CTNNA3: variants seen among roughly 807,000 people sequenced by gnomAD.
CTNNA3 encodes the protein catenin alpha 3, also known as catenin alpha-3.
A neutral mutation model predicts 95.7 loss-of-function variants in CTNNA3; 76 were observed. The observed-to-expected ratio is 0.79, with a 90% CI of 0.66 to 0.96. The LOEUF is 0.96. Among genes scored for constraint, CTNNA3 ranks in the 40% least tolerant of loss-of-function variants. The probability of loss-of-function intolerance (pLI) is 0.00; values close to 1 mark genes in which losing one functional copy is unlikely to be tolerated. For synonymous variants in CTNNA3, 431 were observed against 374.4 expected (o/e 1.15, Z -1.74); for missense variants, 1,191 against 1,089.8 (o/e 1.09, Z -1.31).
At chr10:66,132,610 G>A (rs1262863105) in intron 13 of CTNNA3, among the ~76,000 whole-genome samples, 1 of 152,096 alleles carries the variant, frequency 6.6e-6, no homozygotes, top group African/African-American at 2.4e-5. Flanking sequence ...TATGTTTATT[G>A]TAGCAGTATT....
chr10:66,044,529 C>G (rs1471790705), intron 15 of CTNNA3, among the ~76,000 whole-genome samples: 5 of 151,536 alleles, frequency 3.3e-5, no homozygotes, highest in Middle Eastern at 3.4e-3. Context: ...CCTTTTGGCT[C>G]TCTTCTAATA....
chr10:66,845,403 C>A (rs7476697), intron 7 of CTNNA3, among the ~76,000 whole-genome samples: 54,433 of 151,858 alleles, frequency 0.36, 10,733 homozygotes, highest in Non-Finnish European at 0.46. Flanking sequence ...AAAACTGATA[C>A]ATAAAAATGT....
chr10:66,597,508 A>G (rs1205912835), intron 10 of CTNNA3, among the ~76,000 whole-genome samples: 1 of 96,192 alleles, frequency 1.0e-5, no homozygotes, highest in East Asian at 3.6e-4. Context: ...ATTTTATTTC[A>G]TACATATATA....
chr10:65,999,162 C>T (rs2893976), intron 15 of CTNNA3, among the ~76,000 whole-genome samples: 36,771 of 151,956 alleles, frequency 0.24, 5,311 homozygotes, highest in African/African-American at 0.41. Flanking sequence ...CTAGATGTTA[C>T]GTACATGGTT....
chr10:67,502,148 T>A (rs1434567659), intron 5 of CTNNA3, among the ~76,000 whole-genome samples: 1 of 151,912 alleles, frequency 6.6e-6, no homozygotes, highest in Non-Finnish European at 1.5e-5. Context: ...TCGGATGGGG[T>A]TTTTGTGTGG....
chr10:67,579,466 G>C (rs912840331), intron 3 of CTNNA3, among the ~76,000 whole-genome samples: 8 of 151,978 alleles, frequency 5.3e-5, no homozygotes, highest in Non-Finnish European at 1.0e-4. Context: ...TTGGACATTT[G>C]GGTTGGTTTC....
chr10:67,532,584 T>C lies in CTNNA3; in HGVS notation c.459+6919A>G, dbSNP rs542589771. ...CAAAACAAGTAAAACATGACTATGG[T>C]ATGATAAATGGAAAAAGTTAGAAAA... On this transcript the variant is annotated intron_variant, in intron 4 of 17. Coordinates refer to ENST00000433211, the MANE Select transcript of CTNNA3 (RefSeq NM_013266.4). Among the ~76,000 whole-genome samples, 3 of 152,302 alleles carry C rather than the reference T, an allele frequency of 2.0e-5. No homozygotes were observed. The East Asian group carries it at 5.8e-4, about 29-fold the overall frequency.
intron 9 of CTNNA3, among the ~76,000 whole-genome samples, chr10:66,625,858 AC>A (rs1473306609): frequency 6.6e-6 from 1 of 152,106 alleles, no homozygotes; most frequent in African/African-American, 2.4e-5. Flanking sequence ...GAATCCTGAC[AC>A]CTAGGCTAGT....
At chr10:66,973,924 A>T (rs994671035) in intron 7 of CTNNA3, among the ~76,000 whole-genome samples, 3 of 152,126 alleles carry the variant, frequency 2.0e-5, no homozygotes, top group African/African-American at 7.2e-5. Context: ...GTCCAGCCTT[A>T]TTTATTTTTA....
At chr10:66,335,934 G>T (rs1316277852) in intron 12 of CTNNA3, among the ~76,000 whole-genome samples, 5 of 152,092 alleles carry the variant, frequency 3.3e-5, no homozygotes, top group Non-Finnish European at 7.4e-5. Flanking sequence ...CAATGGCGGG[G>T]TGCCCCTCCT....
chr10:67,296,825 T>C (rs1840051700), intron 5 of CTNNA3, among the ~76,000 whole-genome samples: 1 of 150,008 alleles, frequency 6.7e-6, no homozygotes, highest in African/African-American at 2.5e-5. Flanking sequence ...TCCCAGCTAC[T>C]TGGGAGGCTG....
chr10:66,178,068 A>T (rs951087667), intron 13 of CTNNA3, among the ~76,000 whole-genome samples: 2 of 151,766 alleles, frequency 1.3e-5, no homozygotes, highest in African/African-American at 4.8e-5. Flanking sequence ...TATTAATGCA[A>T]AGATCCTACA....
At chr10:66,019,020 TATAACC>T (rs1446150259) in intron 15 of CTNNA3, among the ~76,000 whole-genome samples, 2 of 152,150 alleles carry the variant, frequency 1.3e-5, no homozygotes, top group Non-Finnish European at 2.9e-5. Context: ...TTAATAAATG[TATAACC>T]AAGACAGATA....
chr10:67,202,409 A>T (rs950639914), intron 6 of CTNNA3, among the ~76,000 whole-genome samples: 8 of 152,148 alleles, frequency 5.3e-5, no homozygotes, highest in Middle Eastern at 3.4e-3. Flanking sequence ...CACCCTACAA[A>T]GCAAAATACT....
chr10:66,444,895 C>G (rs191156645), intron 11 of CTNNA3, among the ~76,000 whole-genome samples: 1 of 152,148 alleles, frequency 6.6e-6, no homozygotes, highest in African/African-American at 2.4e-5. Flanking sequence ...GATAAAGAGT[C>G]AAGACCCATC....
chr10:66,852,040 G>C (rs921427510), intron 7 of CTNNA3, among the ~76,000 whole-genome samples: 4 of 152,050 alleles, frequency 2.6e-5, no homozygotes, highest in Non-Finnish European at 5.9e-5. Flanking sequence ...TCCAAGCCAA[G>C]GTGGAGCCCA....
chr10:66,694,209 C>T (rs190429996), intron 9 of CTNNA3, among the ~76,000 whole-genome samples: 5,041 of 151,816 alleles, frequency 0.033, 125 homozygotes, highest in South Asian at 0.055. Flanking sequence ...ATTGATAGAC[C>T]GCTAGCAAGA....
At chr10:67,581,304 CTATTGAGAT>C (rs1394230448) in intron 3 of CTNNA3, among the ~76,000 whole-genome samples, 1 of 152,130 alleles carries the variant, frequency 6.6e-6, no homozygotes, top group Non-Finnish European at 1.5e-5. Context: ...TTTTCTGCAT[CTATTGAGAT>C]AATAATGTGG....
chr10:65,982,457 A>T (rs567944391), intron 16 of CTNNA3, among the ~76,000 whole-genome samples: 2 of 151,732 alleles, frequency 1.3e-5, no homozygotes, highest in South Asian at 4.2e-4. Context: ...TTCCTTAAAG[A>T]ACTGAAAGTA....
Sources: allele counts gnomAD v4.1 joint callset (sites outside exome capture counted in the v4.1 genomes callset), GRCh38; gene constraint gnomAD v4.1.1; transcripts MANE v1.5; gene names NCBI Gene and HGNC (gene_info 2026-07-23, HGNC 2026-07-21).